FUT9: variants seen among roughly 807,000 people sequenced by gnomAD.
The protein encoded by FUT9 is fucosyltransferase 9, also known as 4-galactosyl-N-acetylglucosaminide 3-alpha-L-fucosyltransferase 9.
Under a neutral mutation model 29.7 loss-of-function variants are expected in FUT9, and 15 were observed. The ratio of observed to expected loss-of-function variants is 0.51; its 90% CI spans 0.34 to 0.78. The LOEUF is 0.78. Ranked by LOEUF, FUT9 falls within the 30% of genes least tolerant of loss-of-function variation. The pLI is 0.01. For missense variants in FUT9, 319 were observed against 425.4 expected (o/e 0.75, Z 2.20); for synonymous variants, 169 against 153.7 (o/e 1.10, Z -0.74).
chr6:96,016,704 AG>A (rs1260774088), intron 1 of FUT9, among the ~76,000 whole-genome samples: 1 of 152,074 alleles, frequency 6.6e-6, no homozygotes, highest in Non-Finnish European at 1.5e-5. Context: ...ATTCCTTCCC[AG>A]GGTGAATGGT....
intron 1 of FUT9, among the ~76,000 whole-genome samples, chr6:96,035,936 TATA>T (rs1318961019): frequency 5.6e-5 from 3 of 53,608 alleles, no homozygotes; most frequent in African/African-American, 2.1e-4. Context: ...ATTAATATAA[TATA>T]ATACATTATG....
intron 2 of FUT9, among the ~76,000 whole-genome samples, chr6:96,167,546 A>G (rs2127982036): frequency 6.6e-6 from 1 of 152,358 alleles, no homozygotes; most frequent in Middle Eastern, 3.4e-3. Flanking sequence ...TGTGTGCCAG[A>G]AAATGTCTAG....
intron 2 of FUT9, among the ~76,000 whole-genome samples, chr6:96,177,694 CTA>C (rs1773228956): frequency 3.9e-5 from 6 of 152,110 alleles, no homozygotes; most frequent in Non-Finnish European, 7.4e-5. Context: ...ATAGTAACAG[CTA>C]TCTTTCATCC....
At chr6:96,140,487 C>T (rs994890041) in intron 2 of FUT9, among the ~76,000 whole-genome samples, 1 of 152,068 alleles carries the variant, frequency 6.6e-6, no homozygotes, top group Non-Finnish European at 1.5e-5. Flanking sequence ...TAAACTGGTA[C>T]CAATTTACTG....
At chr6:96,071,467 C>T (rs192511339) in intron 1 of FUT9, among the ~76,000 whole-genome samples, 12 of 152,258 alleles carry the variant, frequency 7.9e-5, no homozygotes, top group Non-Finnish European at 1.3e-4. Context: ...TATTAATTTT[C>T]TGCCTCTATT....
intron 1 of FUT9, among the ~76,000 whole-genome samples, chr6:96,089,885 T>G (rs567894905): frequency 6.6e-6 from 1 of 152,298 alleles, no homozygotes; most frequent in East Asian, 1.9e-4. Flanking sequence ...TTTTTATGTA[T>G]AATGACGAAT....
chr6:96,019,149 T>C (rs1013071519), intron 1 of FUT9, among the ~76,000 whole-genome samples: 1 of 151,782 alleles, frequency 6.6e-6, no homozygotes. Context: ...AATTGATGAA[T>C]TGAACTAAAT....
chr6:96,198,114 CT>C (rs1300141887), intron 2 of FUT9, among the ~76,000 whole-genome samples: 28 of 150,364 alleles, frequency 1.9e-4, no homozygotes, highest in Admixed American at 6.0e-4. Context: ...TTTTTTTTTC[CT>C]TTTTTTTTAT....
intron 1 of FUT9, among the ~76,000 whole-genome samples, chr6:96,097,420 C>A (rs1771519071): frequency 6.6e-6 from 1 of 152,074 alleles, no homozygotes; most frequent in African/African-American, 2.4e-5. Flanking sequence ...AATTAGCAAA[C>A]AAGTCAGGGT....
At chr6:96,120,266 TTTC>T (rs1771997617) in intron 2 of FUT9, among the ~76,000 whole-genome samples, 1 of 133,604 alleles carries the variant, frequency 7.5e-6, no homozygotes, top group Admixed American at 9.2e-5. Flanking sequence ...TTCTTTTTTC[TTTC>T]TTTTTTTTTT....
At chr6:96,170,426 C>T (rs989245182) in intron 2 of FUT9, among the ~76,000 whole-genome samples, 35 of 151,698 alleles carry the variant, frequency 2.3e-4, no homozygotes, top group African/African-American at 8.0e-4. Context: ...AAAAATATAC[C>T]CATATTAATA....
chr6:96,017,193 G>A (rs1252793038), intron 1 of FUT9, among the ~76,000 whole-genome samples: 1 of 152,146 alleles, frequency 6.6e-6, no homozygotes, highest in Admixed American at 6.5e-5. Context: ...AATCTTCTTT[G>A]AAATTGCAAT....
intron 1 of FUT9, among the ~76,000 whole-genome samples, chr6:96,022,534 A>G (rs1322078356): frequency 1.3e-5 from 2 of 151,966 alleles, no homozygotes; most frequent in African/African-American, 2.4e-5. Flanking sequence ...AATATAGATC[A>G]AATCATGGTC....
chr6:96,154,751 A>G (rs1222443230), intron 2 of FUT9, among the ~76,000 whole-genome samples: 1 of 152,232 alleles, frequency 6.6e-6, no homozygotes, highest in African/African-American at 2.4e-5. Context: ...GATTAAGTAA[A>G]AAGATAACTA....
intron 2 of FUT9, among the ~76,000 whole-genome samples, chr6:96,198,858 C>T (rs1280199932): frequency 6.6e-6 from 1 of 152,116 alleles, no homozygotes; most frequent in Non-Finnish European, 1.5e-5. Context: ...TTGCATTTCT[C>T]TGATGGTCAG....
chr6:96,067,519 A>G (rs962991583), intron 1 of FUT9, among the ~76,000 whole-genome samples: 16 of 152,146 alleles, frequency 1.1e-4, no homozygotes, highest in African/African-American at 3.9e-4. Flanking sequence ...AGTCTTTGCT[A>G]CACTTTAAAT....
chr6:96,016,538 T>C (rs6934593), intron 1 of FUT9, among the ~76,000 whole-genome samples: 14,325 of 152,160 alleles, frequency 0.094, 1,839 homozygotes, highest in African/African-American at 0.28. Flanking sequence ...CTACTGTTAC[T>C]GTCCCTGCGT....
At chr6:96,032,986 G>A (rs891865391) in intron 1 of FUT9, among the ~76,000 whole-genome samples, 1 of 151,526 alleles carries the variant, frequency 6.6e-6, no homozygotes, top group Non-Finnish European at 1.5e-5. Flanking sequence ...GGTTTTTGAC[G>A]GTTTTTTGAT....
chr6:96,124,649 C>T (rs1470805116), intron 2 of FUT9, among the ~76,000 whole-genome samples: 2 of 151,938 alleles, frequency 1.3e-5, no homozygotes, highest in Admixed American at 1.3e-4. Flanking sequence ...TTTTTTCTGA[C>T]TCTCATCCTC....
Sources: gnomAD v4.1 joint callset for allele counts (sites outside exome capture counted in the v4.1 genomes callset) on GRCh38, gnomAD v4.1.1 for gene constraint, MANE v1.5 for transcripts, NCBI Gene and HGNC (gene_info 2026-07-23, HGNC 2026-07-21) for gene names.